The following GUSB variants were observed in gnomAD, a reference collection of about 807,000 sequenced individuals.
GUSB encodes beta-glucuronidase.
Under a neutral mutation model 74.6 loss-of-function variants are expected in GUSB, and 51 were observed. That is an observed-to-expected ratio of 0.68 (90% CI 0.55 to 0.86). The LOEUF is 0.86. GUSB is among the 40% of genes least tolerant of loss of function. GUSB has a pLI of 0.00. For missense variants in GUSB, 736 were observed against 853.7 expected, an observed-to-expected ratio of 0.86 and a Z score of 1.72; for synonymous variants, 360 against 348.3, an observed-to-expected ratio of 1.03 and a Z score of -0.37.
At chr7:65,971,401 G>A (rs961278430) in intron 8 of GUSB, among the ~76,000 whole-genome samples, 4 of 152,210 alleles carry the variant, frequency 2.6e-5, no homozygotes, top group Non-Finnish European at 4.4e-5. Context: ...AGACCAGCCT[G>A]GGCAACATAG....
Position 65,980,048 on chromosome 7 carries a change from A to G in GUSB, c.397-137T>C, listed in dbSNP as rs906910887. On this transcript the variant is annotated intron_variant, in intron 2 of 11. Transcript: ENST00000304895. ...GCCAGACGGGAAGAATGACATCCCA[A>G]TGGGGTAGATCAGGCTACCTATCCC... 3 of 937,328 alleles carry G rather than the reference A, an allele frequency of 3.2e-6. No individual in the cohort carries two copies. In the African/African-American group the frequency reaches 4.9e-5, roughly 15 times the overall value. 58.1% of individuals were successfully genotyped at this position (937,328 alleles called of 1,614,324 possible).
At chr7:65,976,328 C>CTT in intron 4 of GUSB, 126 bp from the exon 5 acceptor site, 1 of 704,980 alleles carries the variant, frequency 1.4e-6, no homozygotes, top group Non-Finnish European at 2.4e-6. Flanking sequence ...AATTTAATTT[C>CTT]TTATTTTTTT....
At position 65,960,693 on chromosome 7, in the gene GUSB, G is replaced by A. The variant is rs1212424373; in HGVS notation, c.*204C>T. 3.4e-6 allele frequency: 2 copies of A among 588,706 alleles called. No individual in the cohort carries two copies. The highest frequency in any genetic ancestry group is 3.7e-5 in the African/African-American group (2 of 53,694). The allele number at this position is 588,706 out of a possible 1,614,324, so 36.5% of individuals were successfully genotyped here. On this transcript the variant is annotated 3_prime_UTR_variant, in exon 12 of 12. Transcript: ENST00000304895. Reference sequence around the variant, plus strand: ...AAATGATTTCAGATGCTTTTCAGTAGCCACTTTCATGCCAACTCTTTATTT... The same window carrying A: ...AAATGATTTCAGATGCTTTTCAGTAACCACTTTCATGCCAACTCTTTATTT...
chr7:65,970,240 G>A (rs764136825), intron 9 of GUSB, 42 bp downstream of exon 9: 1 of 1,230,854 alleles, frequency 8.1e-7, no homozygotes. Context: ...GACAAGCCCA[G>A]GCAAAGGCAG....
In GUSB at chr7:65,979,560, G is replaced by C. The variant is rs763864387; in HGVS notation, c.582-19C>G. 8.7e-6 allele frequency: 14 copies of C among 1,613,924 alleles called. No homozygotes were observed. The East Asian group carries it at 2.9e-4, about 33-fold the overall frequency. ...GGGATACCTAGGATGGGAGGACTGTGGTTTGCTGGGCCCTTGCTCTGGGTC... is the reference window on the plus strand; with the variant it reads ...GGGATACCTAGGATGGGAGGACTGTCGTTTGCTGGGCCCTTGCTCTGGGTC... On this transcript the variant is annotated intron_variant, in intron 3 of 11. Coordinates refer to ENST00000304895, the MANE Select transcript of GUSB (RefSeq NM_000181.4).
intron 8 of GUSB, among the ~76,000 whole-genome samples, chr7:65,971,544 T>C (rs937978613): frequency 2.6e-5 from 4 of 151,630 alleles, no homozygotes; most frequent in African/African-American, 9.7e-5. Flanking sequence ...CTGGTCAACA[T>C]GGTAAAAGTC....
chr7:65,978,933 T>G (rs1468307340), intron 4 of GUSB, among the ~76,000 whole-genome samples: 3 of 152,088 alleles, frequency 2.0e-5, no homozygotes, highest in Non-Finnish European at 4.4e-5. Context: ...CATCCCTGGC[T>G]AATTTTTTAA....
At position 65,964,373 on chromosome 7, in the gene GUSB, T is replaced by A. The variant is rs1323075571; in HGVS notation, c.1739A>T (p.Tyr580Phe). ...ATTCCAAATGAGCTCTCCAACCACGTATTTTCTGCGTTTTTGATCCAGACC... is the reference window on the plus strand; with the variant it reads ...ATTCCAAATGAGCTCTCCAACCACGAATTTTCTGCGTTTTTGATCCAGACC... ...HLGLDQKRRK[Y>F]VVGELIWNFA... Residue 580 changes from tyrosine to phenylalanine, a missense_variant, in exon 11 of 12, where the codon TAC (tyrosine) becomes TTC (phenylalanine). Tyr to Phe is a conservative substitution (Grantham distance 22). Transcript: ENST00000304895. 4 of 1,611,880 alleles carry A rather than the reference T, an allele frequency of 2.5e-6. No individual in the cohort carries two copies. The South Asian group carries it at 4.4e-5, about 18-fold the overall frequency.
chr7:65,980,535 G>T (rs1043287929), intron 1 of GUSB, 126 bp from the exon 2 acceptor site: 2 of 880,242 alleles, frequency 2.3e-6, no homozygotes, highest in Non-Finnish European at 3.7e-6. Context: ...TGGCAGAAAG[G>T]ACAGATAACT....
rs2116042211 is a variant in GUSB at position 65,980,329 on chromosome 7, G to A, written c.291C>T (p.Gly97=). The part of the protein sequence containing the change: ...SQDWRLRHFV[G]WVWYEREVIL... Reference sequence around the variant, plus strand: ...TCACCTCCCGTTCGTACCACACCCAGCCGACAAAATGCCGCAGACGCCAGT... The same window carrying A: ...TCACCTCCCGTTCGTACCACACCCAACCGACAAAATGCCGCAGACGCCAGT... Residue 97 remains glycine, a synonymous_variant, in exon 2 of 12, where the codon GGC becomes GGT. Transcript: ENST00000304895. 1 of 1,613,880 alleles carries A rather than the reference G, an allele frequency of 6.2e-7. No homozygotes were observed. Among genetic ancestry groups the A allele is most frequent in the Non-Finnish European group, 8.5e-7 (1 of 1,179,926 alleles).
rs768292111 is a variant in GUSB, at chr7:65,967,731, C to G, written c.1653G>C (p.Gln551His). The G allele has an allele frequency of 2.5e-6, 4 of 1,612,858 alleles. No individual in the cohort carries two copies. The Admixed American group carries it at 6.7e-5, about 27-fold the overall frequency. ...YGAETIAGFH[Q>H]DPPLMFTEEY... ...AAGCAGAAAGCTCAACACTGCTTAC[C>G]TGGTGAAACCCTGCAATCGTTTCTG... Residue 551 changes from glutamine (Q) to histidine (H), a missense_variant and splice_region_variant, in exon 10 of 12, where the codon CAG (glutamine) becomes CAC (histidine). Gln to His is a conservative substitution (Grantham distance 24). This residue lies in a region of GUSB where 368 missense variants were observed against 489.9 expected (regional missense o/e 0.75). Coordinates refer to ENST00000304895, the MANE Select transcript of GUSB (RefSeq NM_000181.4).
intron 9 of GUSB, 67 bp from the exon 10 acceptor site, chr7:65,967,974 C>T (rs1790946279): frequency 3.8e-6 from 5 of 1,320,550 alleles, no homozygotes; most frequent in South Asian, 1.2e-5. Flanking sequence ...TCACACACTG[C>T]GGGGGCTCCT....
At chr7:65,979,374 A>G in intron 4 of GUSB, 25 bp downstream of exon 4, 1 of 1,611,094 alleles carries the variant, frequency 6.2e-7, no homozygotes, top group Non-Finnish European at 8.5e-7. Flanking sequence ...GGCCCCGCTG[A>G]GAGGATCCTA....
At position 65,982,167 on chromosome 7, in the gene GUSB, G is replaced by A. The variant is rs945192107; in HGVS notation, c.17C>T (p.Ala6Val). 4 of 1,515,468 alleles carry A rather than the reference G, an allele frequency of 2.6e-6. No individual in the cohort carries two copies. Among genetic ancestry groups the A allele is most frequent in the Admixed American group, 4.0e-5 (2 of 49,720 alleles). The allele number at this position is 1,515,468 out of a possible 1,614,324, so 93.9% of individuals were successfully genotyped here. MARGS[A>V]VAWAALGPLL... ...CGGCCCGAGCGCCGCCCAGGCAACC[G>A]CCGACCCCCGGGCCATGCTTCCCGG... The change falls in exon 1 of 12, where the codon GCG (alanine) becomes GTG (valine). Residue 6 changes from alanine (A) to valine (V), a missense_variant. Coordinates refer to ENST00000304895, the MANE Select transcript of GUSB (RefSeq NM_000181.4).
rs753270240 is a variant in GUSB at position 65,980,360 on chromosome 7, C to A, written c.260G>T (p.Ser87Ile). The A allele has an allele frequency of 6.2e-6, 10 of 1,613,946 alleles. No individual in the cohort carries two copies. Among genetic ancestry groups the A allele is most frequent in the East Asian group, 2.2e-5 (1 of 44,874 alleles). Residue 87 changes from serine to isoleucine, a missense_variant, in exon 2 of 12, where the codon AGC becomes ATC. Coordinates refer to ENST00000304895, the MANE Select transcript of GUSB (RefSeq NM_000181.4). ...MPVPSSFNDI[S>I]QDWRLRHFVG... ...AAAATGCCGCAGACGCCAGTCCTGG[C>A]TGATGTCATTGAAGCTGGAGGGAAC...
chr7:65,976,206 C>T lies in GUSB; in HGVS notation c.725-4G>A. ...GAGATCTGGTAATTCACCAGCCCTGCAAGAAACAAGAGAGACCAGGGCTGA... is the reference window on the plus strand; with the variant it reads ...GAGATCTGGTAATTCACCAGCCCTGTAAGAAACAAGAGAGACCAGGGCTGA... On this transcript the variant is annotated splice_polypyrimidine_tract_variant and splice_region_variant and intron_variant, in intron 4 of 11. Coordinates refer to ENST00000304895, the MANE Select transcript of GUSB (RefSeq NM_000181.4). 6.8e-6 allele frequency: 11 copies of T among 1,608,426 alleles called. No homozygotes were observed. Among genetic ancestry groups the T allele is most frequent in the Non-Finnish European group, 9.3e-6 (11 of 1,176,998 alleles).
intron 1 of GUSB, among the ~76,000 whole-genome samples, chr7:65,981,376 C>A (rs1401796684): frequency 6.6e-6 from 1 of 151,882 alleles, no homozygotes; most frequent in African/African-American, 2.4e-5. Flanking sequence ...GGATTACAGG[C>A]ATGAACCACC....
intron 11 of GUSB, among the ~76,000 whole-genome samples, chr7:65,963,654 G>A (rs1382377602): frequency 6.6e-6 from 1 of 151,998 alleles, no homozygotes; most frequent in Non-Finnish European, 1.5e-5. Flanking sequence ...CAGGTTATCC[G>A]CCTGCCTCAG....
intron 10 of GUSB, among the ~76,000 whole-genome samples, chr7:65,967,270 C>T (rs1790896728): frequency 6.6e-6 from 1 of 152,106 alleles, no homozygotes; most frequent in Non-Finnish European, 1.5e-5. Flanking sequence ...GTCTGGGCAA[C>T]ATGGCAAGAC....
Sources: allele counts gnomAD v4.1 joint callset (sites outside exome capture counted in the v4.1 genomes callset), GRCh38; gene constraint gnomAD v4.1.1; regional missense constraint gnomAD v4.1.1; transcripts MANE v1.5; gene names NCBI Gene and HGNC (gene_info 2026-07-23, HGNC 2026-07-21).